The following ABR variants were observed in gnomAD, a reference collection of about 807,000 sequenced individuals.
The protein encoded by ABR is active breakpoint cluster region-related protein.
Under a neutral mutation model 107.2 loss-of-function variants are expected in ABR, and 35 were observed. The ratio of observed to expected loss-of-function variants is 0.33; its 90% CI spans 0.25 to 0.43. The LOEUF is 0.43. Among genes scored for constraint, ABR ranks in the 20% least tolerant of loss-of-function variants. The pLI is 1.00. For synonymous variants in ABR, 498 were observed against 462.0 expected (o/e 1.08, Z -1.00); for missense variants, 815 against 1,115.2 (o/e 0.73, Z 3.83).
chr17:1,173,866 C>G (rs1003528739), intron 1 of ABR, among the ~76,000 whole-genome samples: 1 of 152,238 alleles, frequency 6.6e-6, no homozygotes, highest in African/African-American at 2.4e-5. Flanking sequence ...CCCAGTCCCT[C>G]GAGGCTTTCC....
chr17:1,005,534 C>G lies in ABR; in HGVS notation c.*546G>C, dbSNP rs1253091669. On this transcript the variant is annotated 3_prime_UTR_variant, in exon 23 of 23. Coordinates refer to ENST00000302538, the MANE Select transcript of ABR (RefSeq NM_021962.5). ...GCGGCAACCCAGGGCCTCTTCAGAG[C>G]TTTCAAGGCGATGGAGCGAAGACCA... 1 of 199,358 alleles carries G rather than the reference C, an allele frequency of 5.0e-6. No individual in the cohort carries two copies. The highest frequency in any genetic ancestry group is 5.9e-5 in the Admixed American group (1 of 17,026). The allele number at this position is 199,358 out of a possible 1,614,324, so 12.3% of individuals were successfully genotyped here.
At chr17:1,059,220 C>A (rs2033665014) in intron 10 of ABR, among the ~76,000 whole-genome samples, 1 of 152,294 alleles carries the variant, frequency 6.6e-6, no homozygotes, top group South Asian at 2.1e-4. Context: ...CACCAGAGAC[C>A]ACTCCTCTAG....
chr17:1,006,092 G>A lies in ABR; in HGVS notation c.2568C>T (p.Ser856=). The A allele has an allele frequency of 1.9e-6, 3 of 1,572,690 alleles. No homozygotes were observed. Among genetic ancestry groups the A allele is most frequent in the Non-Finnish European group, 1.7e-6 (2 of 1,158,736 alleles). Residue 856 remains serine, a synonymous_variant, in exon 23 of 23, where the codon TCC becomes TCT. Transcript: ENST00000302538. ...ACCCTGCCTCGGGCTACACGTCGGT[G>A]GAGAAGTACAGTGTGTTCCGCTTGA... The part of the protein sequence containing the change: ...AELKRNTLYF[S]TDV
At chr17:1,138,823 G>GA (rs1246035074) in intron 1 of ABR, among the ~76,000 whole-genome samples, 7 of 152,330 alleles carry the variant, frequency 4.6e-5, no homozygotes, top group African/African-American at 1.7e-4. Context: ...ACTGTTGCAG[G>GA]AAACTGAGGA....
chr17:1,216,020 C>T (rs1598142248), intron 1 of ABR, among the ~76,000 whole-genome samples: 2 of 147,668 alleles, frequency 1.4e-5, no homozygotes, highest in Admixed American at 6.8e-5. Context: ...CTCAAGTACC[C>T]AGGGACACAA....
intron 1 of ABR, among the ~76,000 whole-genome samples, chr17:1,136,694 A>G (rs2040079848): frequency 6.6e-6 from 1 of 152,180 alleles, no homozygotes; most frequent in Non-Finnish European, 1.5e-5. Context: ...TGCCAGCTTC[A>G]AACTTTCCTC....
chr17:1,160,663 C>CGAG (rs1389843403), intron 1 of ABR, among the ~76,000 whole-genome samples: 15 of 152,168 alleles, frequency 9.9e-5, no homozygotes, highest in African/African-American at 3.6e-4. Flanking sequence ...AGCCAGACGC[C>CGAG]GAGCGCGTAC....
Position 1,125,356 on chromosome 17 carries a change from C to T in ABR, c.73G>A (p.Gly25Arg), listed in dbSNP as rs750945345. The change falls in exon 2 of 23, where the codon GGG becomes AGG. Residue 25 changes from glycine to arginine, a missense_variant. Coordinates refer to ENST00000302538, the MANE Select transcript of ABR (RefSeq NM_021962.5). Reference sequence around the variant, plus strand: ...CCCTCTCCGTCGTACTCGTCCGTCCCGTAGCTGAAGTCTGAGACAAGGAAC... The same window carrying T: ...CCCTCTCCGTCGTACTCGTCCGTCCTGTAGCTGAAGTCTGAGACAAGGAAC... ...IDTLYSNFSY[G>R]TDEYDGEGNE... 1.1e-5 allele frequency: 17 copies of T among 1,613,418 alleles called. No homozygotes were observed. Among genetic ancestry groups the T allele is most frequent in the East Asian group, 6.7e-5 (3 of 44,886 alleles).
rs1348839300 is a variant in ABR, at chr17:1,037,026, T to TCCATCCATCCAC, written c.1791+13012_1791+13023dup. ...TTCCTTCCTTCCATCCTTCCTTCCT[T>TCCATCCATCCAC]CCATCCATCCACCCATCCATCCATC... On this transcript the variant is annotated intron_variant, in intron 16 of 22. Coordinates refer to ENST00000302538, the MANE Select transcript of ABR (RefSeq NM_021962.5). This position sits in a 1 kb window ranked among gnomAD's most constrained non-coding sequence, Gnocchi z 4.6. Among the ~76,000 whole-genome samples the TCCATCCATCCAC allele has an allele frequency of 1.4e-5, 2 of 143,288 alleles. No homozygotes were observed. Among genetic ancestry groups the TCCATCCATCCAC allele is most frequent in the Non-Finnish European group, 3.0e-5 (2 of 65,616 alleles). The allele number at this position is 143,288 out of a possible 152,430, so 94.0% of individuals were successfully genotyped here.
In ABR at chr17:1,028,141, A is replaced by G. The variant is rs187053120; in HGVS notation, c.1792-14977T>C. ...AGTCTCGCTCTGTTGCCCAGGCTGG[A>G]GTGCAGTGGCATGATCTCGGCTCAC... is the stretch of plus-strand genomic sequence containing the variant. On this transcript the variant is annotated intron_variant, in intron 16 of 22. Coordinates refer to ENST00000302538, the MANE Select transcript of ABR (RefSeq NM_021962.5). Among the ~76,000 whole-genome samples, 225 of 152,058 alleles carry G rather than the reference A, an allele frequency of 1.5e-3. 4 individuals carry two copies. Among genetic ancestry groups the G allele is most frequent in the African/African-American group, 5.1e-3 (212 of 41,454 alleles).
intron 1 of ABR, among the ~76,000 whole-genome samples, chr17:1,167,455 G>A (rs1050890526): frequency 2.6e-5 from 4 of 152,180 alleles, no homozygotes; most frequent in Non-Finnish European, 5.9e-5. Context: ...TGGGTGTTGC[G>A]GGGAAGGGAG....
intron 2 of ABR, among the ~76,000 whole-genome samples, chr17:1,102,353 G>C (rs1206261751): frequency 6.6e-6 from 1 of 152,182 alleles, no homozygotes; most frequent in Admixed American, 6.5e-5. Context: ...TGCTACACTG[G>C]TAGGTTTGAA....
intron 3 of ABR, among the ~76,000 whole-genome samples, chr17:1,094,344 G>A (rs1432827560): frequency 4.0e-5 from 6 of 151,842 alleles, no homozygotes; most frequent in African/African-American, 1.2e-4. Flanking sequence ...CCGTCAGTGC[G>A]TACACGATCA....
chr17:1,085,092 G>A (rs1184197617), intron 4 of ABR, among the ~76,000 whole-genome samples: 2 of 149,506 alleles, frequency 1.3e-5, no homozygotes, highest in East Asian at 4.0e-4. Context: ...GTGAGCCACT[G>A]CGCCCGGCCA....
chr17:1,057,363 T>G (rs1349494365), intron 12 of ABR, among the ~76,000 whole-genome samples: 3 of 140,106 alleles, frequency 2.1e-5, no homozygotes, highest in Non-Finnish European at 4.6e-5. Context: ...TGTGTGTGTG[T>G]GTGGTGTATG....
chr17:1,068,539 G>A (rs975292232), intron 9 of ABR, among the ~76,000 whole-genome samples: 26 of 152,214 alleles, frequency 1.7e-4, no homozygotes, highest in African/African-American at 6.0e-4. Context: ...CCAGACTGCC[G>A]CTTCTCAGCC....
chr17:1,100,967 G>C lies in ABR; in HGVS notation c.247-232C>G, dbSNP rs567130085. On this transcript the variant is annotated intron_variant, in intron 2 of 22. Coordinates refer to ENST00000302538, the MANE Select transcript of ABR (RefSeq NM_021962.5). ...GCCTCCCGAGTAGCTGGGATTACAG[G>C]CACCTGCCACCATGCCCAGATAATT... The C allele has an allele frequency of 4.5e-4, 254 of 558,846 alleles. 1 individual carries two copies. Among genetic ancestry groups the C allele is most frequent in the Non-Finnish European group, 7.4e-4 (230 of 311,566 alleles). The allele number at this position is 558,846 out of a possible 1,614,324, so 34.6% of individuals were successfully genotyped here. A position where few individuals can be genotyped will look rare whatever the true frequency, so the allele number is the denominator to read the frequency against.
In ABR at chr17:1,157,543, G is replaced by A. The variant is rs991867199; in HGVS notation, c.61+22124C>T. Among the ~76,000 whole-genome samples the A allele has an allele frequency of 3.3e-5, 5 of 152,084 alleles. No homozygotes were observed. The highest frequency in any genetic ancestry group is 6.5e-5 in the Admixed American group (1 of 15,272). Reference sequence around the variant, plus strand: ...TGGGATTACAGGCGTGAGCCACCGCGCCCGACCTCAGTGCACACAGTTCTA... The same window carrying A: ...TGGGATTACAGGCGTGAGCCACCGCACCCGACCTCAGTGCACACAGTTCTA... On this transcript the variant is annotated intron_variant, in intron 1 of 22. Coordinates refer to ENST00000302538, the MANE Select transcript of ABR (RefSeq NM_021962.5). This position sits in a 1 kb window ranked among gnomAD's most constrained non-coding sequence, Gnocchi z 4.7.
intron 2 of ABR, among the ~76,000 whole-genome samples, chr17:1,102,767 A>G (rs552503694): frequency 2.1e-4 from 32 of 152,208 alleles, no homozygotes; most frequent in Admixed American, 5.2e-4. Context: ...CTGGAGTGCA[A>G]TGGCATGATC....
Sources: gnomAD v4.1 joint callset for allele counts (sites outside exome capture counted in the v4.1 genomes callset) on GRCh38, gnomAD v4.1.1 for gene constraint, Gnocchi (gnomAD v3.1) non-coding constraint, MANE v1.5 for transcripts, NCBI Gene and HGNC (gene_info 2026-07-23, HGNC 2026-07-21) for gene names.